Variants in CFAP221 observed in about 807,000 individuals in gnomAD.
The protein encoded by CFAP221 is cilia- and flagella-associated protein 221.
CFAP221 carries 97 observed loss-of-function variants against 113.1 expected under a neutral mutation model. That is an observed-to-expected ratio of 0.86 (90% CI 0.73 to 1.02). CFAP221 has a LOEUF of 1.02. Ranked by LOEUF, CFAP221 falls within the 50% of genes least tolerant of loss-of-function variation. The pLI, the probability that CFAP221 is intolerant of heterozygous loss-of-function variation, is 0.00. For synonymous variants in CFAP221, 331 were observed against 354.4 expected, an observed-to-expected ratio of 0.93 and a Z score of 0.74; for missense variants, 1,025 against 1,013.4, an observed-to-expected ratio of 1.01 and a Z score of -0.16.
chr2:119,645,144 CTCTG>C (rs1473288163), intron 21 of CFAP221, among the ~76,000 whole-genome samples: 6 of 151,796 alleles, frequency 4.0e-5, no homozygotes, highest in South Asian at 2.1e-4. Flanking sequence ...CTCTCTCTCT[CTCTG>C]TCTTTCTTTC....
At chr2:119,563,264 T>A (rs1410784792) in intron 6 of CFAP221, among the ~76,000 whole-genome samples, 5 of 152,224 alleles carry the variant, frequency 3.3e-5, no homozygotes, top group Non-Finnish European at 7.3e-5. Context: ...ATGTAAACAC[T>A]ATGTAAATAG....
intron 7 of CFAP221, among the ~76,000 whole-genome samples, chr2:119,592,467 C>T (rs1683663731): frequency 6.6e-6 from 1 of 152,218 alleles, no homozygotes; most frequent in African/African-American, 2.4e-5. Flanking sequence ...GAACTCCCGG[C>T]TTTGTCGTAC....
At chr2:119,612,787 T>C (rs949711465) in intron 13 of CFAP221, among the ~76,000 whole-genome samples, 4 of 152,330 alleles carry the variant, frequency 2.6e-5, no homozygotes, top group East Asian at 1.9e-4. Flanking sequence ...CCAAATCTCA[T>C]GTCCTCACAA....
At chr2:119,608,684 T>A in intron 12 of CFAP221, 95 bp downstream of exon 12, 1 of 1,062,602 alleles carries the variant, frequency 9.4e-7, no homozygotes, top group Non-Finnish European at 1.4e-6. Flanking sequence ...AACCCACAGT[T>A]AAGTTGGGAG....
intron 6 of CFAP221, among the ~76,000 whole-genome samples, chr2:119,574,926 T>C (rs1242972562): frequency 6.6e-6 from 1 of 152,256 alleles, no homozygotes; most frequent in African/African-American, 2.4e-5. Context: ...TTTAAGTTGC[T>C]TTGTTTTTTA....
chr2:119,571,133 CTTT>C (rs34017847), intron 6 of CFAP221, among the ~76,000 whole-genome samples: 10 of 93,136 alleles, frequency 1.1e-4, no homozygotes, highest in Middle Eastern at 0.01. Flanking sequence ...TAACAACCCC[CTTT>C]TTTTTTTTTT....
At chr2:119,603,435 G>C (rs1684499016) in intron 8 of CFAP221, among the ~76,000 whole-genome samples, 1 of 152,118 alleles carries the variant, frequency 6.6e-6, no homozygotes, top group South Asian at 2.1e-4. Flanking sequence ...GTCTCACCAA[G>C]GGACACGTTC....
intron 6 of CFAP221, among the ~76,000 whole-genome samples, chr2:119,574,463 CAT>C (rs1376263271): frequency 4.6e-5 from 7 of 152,144 alleles, no homozygotes; most frequent in African/African-American, 1.7e-4. Context: ...AAGAATATAA[CAT>C]AGGGAATTTC....
intron 19 of CFAP221, among the ~76,000 whole-genome samples, chr2:119,633,480 A>G (rs1686918378): frequency 6.6e-6 from 1 of 152,020 alleles, no homozygotes; most frequent in Non-Finnish European, 1.5e-5. Context: ...TGTATCCAGA[A>G]TATATAAGGA....
intron 7 of CFAP221, among the ~76,000 whole-genome samples, chr2:119,594,637 G>A (rs1683835855): frequency 6.6e-6 from 1 of 152,178 alleles, no homozygotes; most frequent in South Asian, 2.1e-4. Flanking sequence ...CACAGCACCT[G>A]TGGTGTTCTA....
chr2:119,577,567 G>GA (rs776494512), intron 6 of CFAP221, among the ~76,000 whole-genome samples: 3 of 152,136 alleles, frequency 2.0e-5, no homozygotes, highest in Non-Finnish European at 4.4e-5. Context: ...AGGTTCTAGA[G>GA]ACCTGGCTTG....
chr2:119,595,488 T>C (rs1683896024), intron 7 of CFAP221, among the ~76,000 whole-genome samples: 1 of 152,188 alleles, frequency 6.6e-6, no homozygotes, highest in African/African-American at 2.4e-5. Context: ...GAGCTGAAGC[T>C]TTACTTCACT....
At chr2:119,545,080 T>G (rs1272597430) in intron 1 of CFAP221, 1 of 151,720 alleles carries the variant, frequency 6.6e-6, no homozygotes, top group Non-Finnish European at 1.5e-5. Flanking sequence ...AACTTCTTTC[T>G]GAAAGTTATT....
At chr2:119,620,806 TAG>T (rs1326099665) in intron 14 of CFAP221, among the ~76,000 whole-genome samples, 1 of 151,922 alleles carries the variant, frequency 6.6e-6, no homozygotes, top group East Asian at 1.9e-4. Context: ...GCAAATTGGA[TAG>T]AGAGTCAAGA....
chr2:119,591,047 A>C (rs1213962214), intron 7 of CFAP221, among the ~76,000 whole-genome samples: 1 of 152,230 alleles, frequency 6.6e-6, no homozygotes, highest in Non-Finnish European at 1.5e-5. Flanking sequence ...GAAAACATGC[A>C]GGCCTTTGGC....
intron 14 of CFAP221, among the ~76,000 whole-genome samples, chr2:119,623,653 C>T (rs1010853777): frequency 7.9e-5 from 12 of 152,326 alleles, no homozygotes; most frequent in African/African-American, 1.4e-4. Context: ...CAGCATGGTA[C>T]TGGTACCAAA....
rs115062350 is a variant in CFAP221 at position 119,650,423 on chromosome 2, C to T, written c.2319-1551C>T. ...ATTCATATTTGCTTCAGCTTCTTTC[C>T]GCCAGGCCCACTGGGGAGATGTTCA... On this transcript the variant is annotated intron_variant, in intron 22 of 23. Coordinates refer to ENST00000413369, the MANE Select transcript of CFAP221 (RefSeq NM_001271049.2). 4.7e-3 allele frequency among the ~76,000 whole-genome samples: 713 copies of T among 152,326 alleles called. 7 individuals are homozygous for T. Among genetic ancestry groups the T allele is most frequent in the African/African-American group, 0.016 (669 of 41,566 alleles).
chr2:119,615,241 A>G (rs1452140254), intron 13 of CFAP221, among the ~76,000 whole-genome samples: 1 of 152,216 alleles, frequency 6.6e-6, no homozygotes, highest in Non-Finnish European at 1.5e-5. Flanking sequence ...AGGGCTGAGT[A>G]AAGTAGTCCT....
chr2:119,559,654 T>C (rs1238183763), intron 3 of CFAP221, 35 bp from the exon 4 acceptor site: 3 of 1,451,074 alleles, frequency 2.1e-6, no homozygotes, highest in Admixed American at 2.0e-5. Flanking sequence ...AATAAAGCCG[T>C]GTATTTCCTC....
Sources: allele counts gnomAD v4.1 joint callset (sites outside exome capture counted in the v4.1 genomes callset), GRCh38; gene constraint gnomAD v4.1.1; transcripts MANE v1.5; gene names NCBI Gene and HGNC (gene_info 2026-07-23, HGNC 2026-07-21).